NELL1: variants seen among roughly 807,000 people sequenced by gnomAD.
NELL1 encodes protein kinase C-binding protein NELL1.
Under a neutral mutation model 107.4 loss-of-function variants are expected in NELL1, and 76 were observed. That is an observed-to-expected ratio of 0.71 (90% CI 0.59 to 0.86). The LOEUF is 0.86. Ranked by LOEUF, NELL1 falls within the 40% of genes least tolerant of loss-of-function variation. The pLI, the probability that NELL1 is intolerant of heterozygous loss-of-function variation, is 0.00. For missense variants in NELL1, 1,024 were observed against 1,005.5 expected (o/e 1.02, Z -0.25); for synonymous variants, 353 against 341.2 (o/e 1.03, Z -0.38).
chr11:21,355,583 A>C lies in NELL1; in HGVS notation c.1550-15270A>C, dbSNP rs144972726. ...GATCTGTTTCTAGAATCATGCTTTT[A>C]CTAAGCCAAAGGCTGTATGGAAGAA... On this transcript the variant is annotated intron_variant, in intron 14 of 19. Coordinates refer to ENST00000357134, the MANE Select transcript of NELL1 (RefSeq NM_006157.5). Among the ~76,000 whole-genome samples the C allele has an allele frequency of 3.5e-3, 529 of 152,330 alleles. 4 individuals are homozygous for C. The highest frequency in any genetic ancestry group is 0.031 in the Middle Eastern group (9 of 294).
At chr11:21,571,982 T>C (rs1411733959) in intron 18 of NELL1, among the ~76,000 whole-genome samples, 1 of 151,882 alleles carries the variant, frequency 6.6e-6, no homozygotes, top group Non-Finnish European at 1.5e-5. Flanking sequence ...TTTTTTTAAA[T>C]CTTCAGGTGA....
At chr11:21,053,618 C>T (rs1853547928) in intron 12 of NELL1, among the ~76,000 whole-genome samples, 1 of 152,144 alleles carries the variant, frequency 6.6e-6, no homozygotes, top group South Asian at 2.1e-4. Flanking sequence ...GGAAAACCTT[C>T]CTGAGTCCCA....
rs1856679069 is a variant in NELL1 at position 21,174,793 on chromosome 11, A to G, written c.1427-54539A>G. The stretch of plus-strand genomic sequence containing the variant: ...TGGCTGCAGAAGAGATAAGAAAGGC[A>G]GCAGGTTTTGTGTAATTAATTCCTA... On this transcript the variant is annotated intron_variant, in intron 13 of 19. Coordinates refer to ENST00000357134, the MANE Select transcript of NELL1 (RefSeq NM_006157.5). Among the ~76,000 whole-genome samples the G allele has an allele frequency of 1.3e-5, 2 of 151,830 alleles. 1 individual carries two copies. Among genetic ancestry groups the G allele is most frequent in the Admixed American group, 1.3e-4 (2 of 15,246 alleles).
intron 17 of NELL1, among the ~76,000 whole-genome samples, chr11:21,567,356 T>G (rs1471574977): frequency 2.6e-5 from 4 of 151,834 alleles, no homozygotes; most frequent in Non-Finnish European, 5.9e-5. Flanking sequence ...GTTGGGAAAT[T>G]CCTAGGATCA....
At chr11:21,127,386 G>C (rs1485051627) in intron 13 of NELL1, among the ~76,000 whole-genome samples, 5 of 152,038 alleles carry the variant, frequency 3.3e-5, no homozygotes, top group African/African-American at 7.3e-5. Flanking sequence ...ATTGAGGCTA[G>C]GCATTCAAAA....
chr11:20,691,283 C>A (rs1854458827), intron 2 of NELL1, among the ~76,000 whole-genome samples: 1 of 151,558 alleles, frequency 6.6e-6, no homozygotes. Context: ...ATTTCCTTCT[C>A]CTGCCTGATT....
intron 12 of NELL1, among the ~76,000 whole-genome samples, chr11:21,081,773 A>T (rs1049475275): frequency 6.6e-6 from 1 of 152,110 alleles, no homozygotes; most frequent in East Asian, 1.9e-4. Context: ...TACTCATCCA[A>T]TCTAATGCAG....
chr11:20,790,345 C>T (rs1203268447), intron 3 of NELL1, among the ~76,000 whole-genome samples: 1 of 152,234 alleles, frequency 6.6e-6, no homozygotes, highest in Admixed American at 6.5e-5. Flanking sequence ...GCTGGTGTGT[C>T]AGCACTGCCC....
chr11:20,732,393 T>G (rs1039118781), intron 2 of NELL1, among the ~76,000 whole-genome samples: 2 of 152,186 alleles, frequency 1.3e-5, no homozygotes, highest in African/African-American at 4.8e-5. Flanking sequence ...GTCCTTTTGT[T>G]CTGCACTAAT....
At chr11:20,909,525 T>A (rs1259491955) in intron 5 of NELL1, among the ~76,000 whole-genome samples, 1 of 152,142 alleles carries the variant, frequency 6.6e-6, no homozygotes, top group Non-Finnish European at 1.5e-5. Flanking sequence ...GGGATGGAGA[T>A]CTGAGTTTGA....
intron 13 of NELL1, among the ~76,000 whole-genome samples, chr11:21,145,453 C>A (rs1193828716): frequency 2.0e-5 from 3 of 152,078 alleles, no homozygotes; most frequent in Admixed American, 6.6e-5. Context: ...AAGGAAAGAG[C>A]TGATTCAAAT....
At chr11:21,268,854 T>G (rs1057192450) in intron 14 of NELL1, among the ~76,000 whole-genome samples, 2 of 152,114 alleles carry the variant, frequency 1.3e-5, no homozygotes, top group Non-Finnish European at 2.9e-5. Context: ...GGAGTAGACC[T>G]GGAATTTAAA....
At chr11:21,392,372 C>T (rs1006838189) in intron 15 of NELL1, among the ~76,000 whole-genome samples, 1 of 151,836 alleles carries the variant, frequency 6.6e-6, no homozygotes, top group African/African-American at 2.4e-5. Flanking sequence ...TCTTGGCTTT[C>T]TCCACTCCAG....
chr11:20,765,571 G>A (rs1481305069), intron 2 of NELL1, among the ~76,000 whole-genome samples: 1 of 152,178 alleles, frequency 6.6e-6, no homozygotes, highest in Non-Finnish European at 1.5e-5. Flanking sequence ...TGAATGGCAG[G>A]TAACCAGGTA....
chr11:21,104,059 A>G (rs542882332), intron 12 of NELL1, among the ~76,000 whole-genome samples: 1 of 152,266 alleles, frequency 6.6e-6, no homozygotes, highest in South Asian at 2.1e-4. Context: ...CCAAAAGACG[A>G]TAGTAGCTTT....
At chr11:21,062,270 A>G (rs892862129) in intron 12 of NELL1, among the ~76,000 whole-genome samples, 2 of 152,220 alleles carry the variant, frequency 1.3e-5, no homozygotes, top group Non-Finnish European at 2.9e-5. Context: ...TACATAAAAT[A>G]TATAATGAAC....
chr11:21,414,535 C>G (rs1482536890), intron 15 of NELL1, among the ~76,000 whole-genome samples: 7 of 41,340 alleles, frequency 1.7e-4, no homozygotes, highest in African/African-American at 8.5e-5. Flanking sequence ...AATGGACTCT[C>G]CCTCCGGTGT....
At chr11:20,691,510 T>A (rs1166448529) in intron 2 of NELL1, among the ~76,000 whole-genome samples, 2 of 152,164 alleles carry the variant, frequency 1.3e-5, no homozygotes, top group Non-Finnish European at 2.9e-5. Context: ...TTGAATTTTG[T>A]TGAAGGCCTT....
At chr11:20,792,294 A>G (rs1028630297) in intron 3 of NELL1, among the ~76,000 whole-genome samples, 1 of 151,990 alleles carries the variant, frequency 6.6e-6, no homozygotes, top group Non-Finnish European at 1.5e-5. Context: ...CAATATTTAT[A>G]TTAGCGATTT....
Sources: gnomAD v4.1 joint callset for allele counts (sites outside exome capture counted in the v4.1 genomes callset) on GRCh38, gnomAD v4.1.1 for gene constraint, MANE v1.5 for transcripts, NCBI Gene and HGNC (gene_info 2026-07-23, HGNC 2026-07-21) for gene names.